Variants in AGK observed in about 807,000 individuals in gnomAD.
AGK encodes the protein acylglycerol kinase.
In AGK, 52 loss-of-function variants were observed where a neutral mutation model predicts 66.4. The observed-to-expected ratio is 0.78, with a 90% CI of 0.63 to 0.99. AGK has a LOEUF of 0.99. AGK is among the 50% of genes least tolerant of loss of function. AGK has a pLI of 0.00. For synonymous variants in AGK, 182 were observed against 181.1 expected (o/e 1.00, Z -0.04); for missense variants, 451 against 506.6 (o/e 0.89, Z 1.05).
intron 2 of AGK, among the ~76,000 whole-genome samples, chr7:141,560,811 T>C (rs1324774922): frequency 6.6e-6 from 1 of 150,410 alleles, no homozygotes; most frequent in African/African-American, 2.4e-5. Flanking sequence ...TTTTTTTTTT[T>C]TTTGAGCCGG....
intron 4 of AGK, among the ~76,000 whole-genome samples, chr7:141,599,754 A>G (rs1796303731): frequency 6.6e-6 from 1 of 152,214 alleles, no homozygotes; most frequent in African/African-American, 2.4e-5. Context: ...TTAAGCCCCC[A>G]GAAATGGTGA....
Position 141,586,054 on chromosome 7 carries a change from A to G in AGK, c.102-7092A>G, listed in dbSNP as rs538516481. On this transcript the variant is annotated intron_variant, in intron 2 of 15. Transcript: ENST00000649286. ...AATGAGGTCTTCAGTTCACATTCAG[A>G]TTCTTGACTCATTAGTAATCTGGAA... Among the ~76,000 whole-genome samples the G allele has an allele frequency of 1.4e-4, 21 of 152,034 alleles. 1 individual carries two copies. The highest frequency in any genetic ancestry group is 4.1e-4 in the African/African-American group (17 of 41,460).
chr7:141,583,647 T>C (rs559332958), intron 2 of AGK, among the ~76,000 whole-genome samples: 2 of 151,940 alleles, frequency 1.3e-5, no homozygotes, highest in African/African-American at 2.4e-5. Context: ...CTCTTAAACA[T>C]GGGTGAATAA....
chr7:141,650,790 C>T (rs1797537380), intron 14 of AGK: 1 of 554,174 alleles, frequency 1.8e-6, no homozygotes, highest in Non-Finnish European at 2.3e-6. Flanking sequence ...CCAGGACCTC[C>T]CTCAGATACC....
intron 13 of AGK, among the ~76,000 whole-genome samples, chr7:141,647,286 C>G (rs571781570): frequency 1.3e-5 from 2 of 152,194 alleles, no homozygotes; most frequent in South Asian, 2.1e-4. Context: ...CTCCTTAGAA[C>G]CCTCCAGTGG....
chr7:141,649,403 A>G, intron 14 of AGK, 70 bp downstream of exon 14: 2 of 1,160,298 alleles, frequency 1.7e-6, no homozygotes. Context: ...AGAGTGCCCC[A>G]TGAAGTCTAA....
At chr7:141,600,565 CT>C (rs1796320820) in intron 4 of AGK, among the ~76,000 whole-genome samples, 1 of 152,098 alleles carries the variant, frequency 6.6e-6, no homozygotes, top group Non-Finnish European at 1.5e-5. Context: ...TTAGTAAGTA[CT>C]TTCTAATTGT....
At chr7:141,608,276 G>T (rs1401463797) in intron 5 of AGK, among the ~76,000 whole-genome samples, 1 of 152,166 alleles carries the variant, frequency 6.6e-6, no homozygotes, top group Admixed American at 6.5e-5. Flanking sequence ...CCTAATAGGG[G>T]TGTTATTTTA....
intron 12 of AGK, 116 bp downstream of exon 12, chr7:141,641,514 A>G: frequency 8.3e-7 from 1 of 1,205,100 alleles, no homozygotes; most frequent in Non-Finnish European, 1.2e-6. Flanking sequence ...CCTCTCAGGG[A>G]TCACTGAATT....
chr7:141,597,366 G>C (rs915034246), intron 4 of AGK: 5 of 152,060 alleles, frequency 3.3e-5, no homozygotes, highest in African/African-American at 1.2e-4. Flanking sequence ...AGTCTGTTAA[G>C]GAAAAATAAA....
chr7:141,573,046 T>G (rs1222976866), intron 2 of AGK, among the ~76,000 whole-genome samples: 1 of 150,444 alleles, frequency 6.6e-6, no homozygotes, highest in Non-Finnish European at 1.5e-5. Context: ...GTAGGGAGGT[T>G]TTTTTCCCCC....
chr7:141,612,312 G>A (rs1796606602), intron 6 of AGK, among the ~76,000 whole-genome samples: 1 of 152,228 alleles, frequency 6.6e-6, no homozygotes, highest in Non-Finnish European at 1.5e-5. Flanking sequence ...GTTACCAGAT[G>A]TTGAAGAGAG....
chr7:141,642,546 G>A (rs747344632), intron 13 of AGK, among the ~76,000 whole-genome samples: 3 of 152,128 alleles, frequency 2.0e-5, no homozygotes, highest in African/African-American at 4.8e-5. Flanking sequence ...CAGCCTGTCC[G>A]TCAGTGCAGA....
At chr7:141,590,826 A>G (rs1046506708) in intron 2 of AGK, among the ~76,000 whole-genome samples, 1 of 152,248 alleles carries the variant, frequency 6.6e-6, no homozygotes, top group African/African-American at 2.4e-5. Context: ...TGAAACATGA[A>G]TATGTGTTAT....
In AGK at chr7:141,654,700, C is replaced by G. The variant is rs181363683; in HGVS notation, c.*1776C>G. 1 of 152,376 alleles carries G rather than the reference C, an allele frequency of 6.6e-6. No homozygotes were observed. Among genetic ancestry groups the G allele is most frequent in the Non-Finnish European group, 1.5e-5 (1 of 68,248 alleles). The allele number at this position is 152,376 out of a possible 1,614,324, so 9.4% of individuals were successfully genotyped here. A position where few individuals can be genotyped will look rare whatever the true frequency, so the allele number is the denominator to read the frequency against. ...AAGATAGATCAATGAGGGAGGATTGCGAGGGGGAAGGGGAGGAAGCAGAGC... is the reference window on the plus strand; with the variant it reads ...AAGATAGATCAATGAGGGAGGATTGGGAGGGGGAAGGGGAGGAAGCAGAGC... On this transcript the variant is annotated 3_prime_UTR_variant, in exon 16 of 16. Coordinates refer to ENST00000649286, the MANE Select transcript of AGK (RefSeq NM_018238.4).
In AGK at chr7:141,641,835, A is replaced by G. The variant is rs778638613; in HGVS notation, c.902A>G (p.Glu301Gly). The G allele has an allele frequency of 2.5e-6, 4 of 1,583,164 alleles. No individual in the cohort carries two copies. The highest frequency in any genetic ancestry group is 2.6e-6 in the Non-Finnish European group (3 of 1,163,754). Residue 301 changes from glutamate (E) to glycine (G), a missense_variant, in exon 13 of 16, where the codon GAG becomes GGG. Glu to Gly is a moderately conservative substitution (Grantham distance 98). Coordinates refer to ENST00000649286, the MANE Select transcript of AGK (RefSeq NM_018238.4). ...GCCCTTTCCCAAGAGGTGAGCCCGG[A>G]GGTCTGGAAAGATGTGCAGCTGTCC... ...QDALSQEVSP[E>G]VWKDVQLSTI...
chr7:141,624,764 C>CA (rs1796899501), intron 9 of AGK, among the ~76,000 whole-genome samples: 1 of 151,802 alleles, frequency 6.6e-6, no homozygotes, highest in Non-Finnish European at 1.5e-5. Context: ...GTTGAAATGA[C>CA]AAAAAAAGGA....
intron 11 of AGK, among the ~76,000 whole-genome samples, chr7:141,639,439 A>T (rs1169491010): frequency 6.6e-6 from 1 of 152,202 alleles, no homozygotes; most frequent in Non-Finnish European, 1.5e-5. Flanking sequence ...GGAGACAGAA[A>T]GCATGACTGA....
chr7:141,618,312 A>G (rs912010049), intron 8 of AGK, among the ~76,000 whole-genome samples: 4 of 152,178 alleles, frequency 2.6e-5, no homozygotes, highest in South Asian at 4.1e-4. Flanking sequence ...GACAAATTTC[A>G]TTTTGTGACA....
Sources: allele counts gnomAD v4.1 joint callset (sites outside exome capture counted in the v4.1 genomes callset), GRCh38; gene constraint gnomAD v4.1.1; transcripts MANE v1.5; gene names NCBI Gene and HGNC (gene_info 2026-07-23, HGNC 2026-07-21).